Variants in CTNNA3 observed in about 807,000 individuals in gnomAD.
CTNNA3 encodes the protein catenin alpha-3.
A neutral mutation model predicts 95.7 loss-of-function variants in CTNNA3; 76 were observed. The ratio of observed to expected loss-of-function variants is 0.79; its 90% CI spans 0.66 to 0.96. The LOEUF (loss-of-function observed/expected upper bound fraction) is 0.96, where lower values mean the gene tolerates loss of function less well. Ranked by LOEUF, CTNNA3 falls within the 40% of genes least tolerant of loss-of-function variation. The pLI, the probability that CTNNA3 is intolerant of heterozygous loss-of-function variation, is 0.00. For missense variants in CTNNA3, 1,191 were observed against 1,089.8 expected, an observed-to-expected ratio of 1.09 and a Z score of -1.31; for synonymous variants, 431 against 374.4, an observed-to-expected ratio of 1.15 and a Z score of -1.74.
At chr10:66,743,445 T>C (rs914678026) in intron 9 of CTNNA3, among the ~76,000 whole-genome samples, 1 of 152,180 alleles carries the variant, frequency 6.6e-6, no homozygotes, top group Admixed American at 6.5e-5. Flanking sequence ...ATTGCAAATA[T>C]TTTCTGAAAA....
chr10:66,056,535 C>G (rs972748008), intron 15 of CTNNA3, among the ~76,000 whole-genome samples: 4 of 152,104 alleles, frequency 2.6e-5, no homozygotes, highest in Non-Finnish European at 5.9e-5. Flanking sequence ...TAGGATAATA[C>G]TAGCCTCATA....
chr10:66,445,931 G>A (rs77558239), intron 11 of CTNNA3, among the ~76,000 whole-genome samples: 58,094 of 151,788 alleles, frequency 0.38, 11,675 homozygotes, highest in African/African-American at 0.5. Context: ...CGCTATCAAG[G>A]CTAAGAAGGA....
At chr10:66,222,622 A>AAAAGAAAGAAAGAAAGAAAG (rs147010411) in intron 13 of CTNNA3, among the ~76,000 whole-genome samples, 141 of 65,278 alleles carry the variant, frequency 2.2e-3, no homozygotes, top group African/African-American at 5.3e-3. Flanking sequence ...GAAAGAAAGA[A>AAAAGAAAGAAAGAAAGAAAG]AAAGAAAGAA....
rs557881631 is a variant in CTNNA3 at position 67,279,022 on chromosome 10, C to T, written c.580-59152G>A. Among the ~76,000 whole-genome samples the T allele has an allele frequency of 1.6e-3, 236 of 152,116 alleles. 2 individuals carry two copies. The highest frequency in any genetic ancestry group is 0.012 in the South Asian group (56 of 4,806). ...CACCATTACTTACTGATGCTTTAGG[C>T]GTGGGTAAATTTTTTCTGGAGAATG... On this transcript the variant is annotated intron_variant, in intron 5 of 17. Transcript: ENST00000433211.
At chr10:67,331,340 T>G (rs538416877) in intron 5 of CTNNA3, among the ~76,000 whole-genome samples, 1 of 152,330 alleles carries the variant, frequency 6.6e-6, no homozygotes, top group South Asian at 2.1e-4. Context: ...CTGCTGTGTT[T>G]CCATTTTCCA....
intron 6 of CTNNA3, among the ~76,000 whole-genome samples, chr10:67,190,418 A>C (rs1192742487): frequency 1.3e-5 from 2 of 152,012 alleles, no homozygotes; most frequent in African/African-American, 4.8e-5. Context: ...TACCAATACC[A>C]TAGCAATTAT....
chr10:66,224,725 C>T (rs768950043), intron 13 of CTNNA3, among the ~76,000 whole-genome samples: 6 of 152,052 alleles, frequency 3.9e-5, no homozygotes, highest in South Asian at 2.1e-4. Flanking sequence ...TCTTAAAATA[C>T]GAACCAAACA....
At chr10:67,723,122 G>GACT (rs1293237727) in intron 1 of CTNNA3, among the ~76,000 whole-genome samples, 2 of 151,418 alleles carry the variant, frequency 1.3e-5, no homozygotes, top group Non-Finnish European at 2.9e-5. Flanking sequence ...AAGTAGCTGG[G>GACT]ACTACAGACA....
intron 11 of CTNNA3, among the ~76,000 whole-genome samples, chr10:66,421,709 G>A (rs906299373): frequency 2.0e-5 from 3 of 150,914 alleles, no homozygotes; most frequent in East Asian, 1.9e-4. Context: ...GGTGGTGCAC[G>A]CCTGTAGTCC....
intron 7 of CTNNA3, among the ~76,000 whole-genome samples, chr10:66,923,065 A>G (rs1031058448): frequency 2.6e-5 from 4 of 152,192 alleles, no homozygotes; most frequent in African/African-American, 9.7e-5. Flanking sequence ...TCACTCTAAT[A>G]TTTTATACCC....
intron 14 of CTNNA3, among the ~76,000 whole-genome samples, chr10:66,101,536 C>A (rs996290901): frequency 1.3e-5 from 2 of 152,116 alleles, no homozygotes; most frequent in South Asian, 4.1e-4. Context: ...CCAAATTTAT[C>A]TTTTCCCATA....
chr10:66,192,989 C>A (rs2131889820), intron 13 of CTNNA3, among the ~76,000 whole-genome samples: 1 of 152,042 alleles, frequency 6.6e-6, no homozygotes, highest in Non-Finnish European at 1.5e-5. Context: ...ACATGTAGGG[C>A]CTTAATAATT....
intron 7 of CTNNA3, among the ~76,000 whole-genome samples, chr10:67,022,005 T>G (rs1352823480): frequency 6.6e-6 from 1 of 152,204 alleles, no homozygotes; most frequent in Non-Finnish European, 1.5e-5. Flanking sequence ...CTCTAATTGT[T>G]AAGTCGCAAT....
intron 11 of CTNNA3, among the ~76,000 whole-genome samples, chr10:66,466,373 C>CACACACACACACACACACACAA (rs1222364133): frequency 4.6e-5 from 7 of 150,730 alleles, no homozygotes; most frequent in Admixed American, 3.3e-4. Context: ...CACACACACA[C>CACACACACACACACACACACAA]AATCTATTGG....
At chr10:66,225,098 A>G (rs2089199969) in intron 13 of CTNNA3, among the ~76,000 whole-genome samples, 1 of 151,982 alleles carries the variant, frequency 6.6e-6, no homozygotes, top group African/African-American at 2.4e-5. Context: ...ATTCTTAACT[A>G]TAGTCACCCC....
chr10:66,000,982 C>A (rs752244567), intron 15 of CTNNA3, among the ~76,000 whole-genome samples: 2 of 152,034 alleles, frequency 1.3e-5, no homozygotes, highest in Non-Finnish European at 2.9e-5. Context: ...TCACCTTAGC[C>A]ATTGATGGGC....
chr10:67,750,859 CA>C, intron 1 of CTNNA3: 2 of 1,610,800 alleles, frequency 1.2e-6, no homozygotes, highest in Non-Finnish European at 1.7e-6. Context: ...ATACCTCACA[CA>C]GGAGAAACTG....
intron 13 of CTNNA3, among the ~76,000 whole-genome samples, chr10:66,124,005 T>C (rs1163581154): frequency 6.6e-6 from 1 of 152,024 alleles, no homozygotes; most frequent in Non-Finnish European, 1.5e-5. Context: ...TCTTGGTGCT[T>C]AACATTTGGC....
intron 5 of CTNNA3, among the ~76,000 whole-genome samples, chr10:67,464,889 A>G (rs867626470): frequency 1.3e-5 from 2 of 151,944 alleles, no homozygotes; most frequent in Non-Finnish European, 2.9e-5. Context: ...AAAAGAAAGT[A>G]CAGATCATTC....
Sources: gnomAD v4.1 joint callset for allele counts (sites outside exome capture counted in the v4.1 genomes callset) on GRCh38, gnomAD v4.1.1 for gene constraint, MANE v1.5 for transcripts, NCBI Gene and HGNC (gene_info 2026-07-23, HGNC 2026-07-21) for gene names.